The following GADL1 variants were observed in gnomAD, a reference collection of about 807,000 sequenced individuals.
The protein encoded by GADL1 is acidic amino acid decarboxylase GADL1.
GADL1 carries 71 observed loss-of-function variants against 69.5 expected under a neutral mutation model. The ratio of observed to expected loss-of-function variants is 1.02; its 90% CI spans 0.84 to 1.25. GADL1 has a LOEUF of 1.25. Among genes scored for constraint, GADL1 ranks in the 50% most tolerant of loss-of-function variants. The pLI is 0.00. For synonymous variants in GADL1, 254 were observed against 214.4 expected, an observed-to-expected ratio of 1.18 and a Z score of -1.62; for missense variants, 737 against 631.8, an observed-to-expected ratio of 1.17 and a Z score of -1.79.
chr3:30,818,307 T>C (rs1697510041), intron 11 of GADL1, among the ~76,000 whole-genome samples: 1 of 152,192 alleles, frequency 6.6e-6, no homozygotes, highest in African/African-American at 2.4e-5. Flanking sequence ...GCAAATATAA[T>C]TGTTAGAAGT....
At chr3:30,755,585 TTGTG>T (rs3042991) in intron 14 of GADL1, among the ~76,000 whole-genome samples, 6 of 151,700 alleles carry the variant, frequency 4.0e-5, no homozygotes, top group South Asian at 2.1e-4. Flanking sequence ...CCATTTTTGC[TTGTG>T]TGTGTGTGTG....
intron 14 of GADL1, among the ~76,000 whole-genome samples, chr3:30,744,486 G>C (rs1055886590): frequency 6.6e-6 from 1 of 152,104 alleles, no homozygotes; most frequent in South Asian, 2.1e-4. Flanking sequence ...TGATGGGAGA[G>C]GGTCATTTAA....
At chr3:30,788,520 T>TG (rs1416078653) in intron 12 of GADL1, among the ~76,000 whole-genome samples, 3 of 152,200 alleles carry the variant, frequency 2.0e-5, no homozygotes, top group African/African-American at 7.2e-5. Flanking sequence ...ATCAAAAGGC[T>TG]GAAGGTCGGG....
In GADL1 at chr3:30,768,582, AGGC is replaced by A. The variant is rs1271477894; in HGVS notation, c.1392+9594_1392+9596del. On this transcript the variant is annotated intron_variant, in intron 14 of 14. Coordinates refer to ENST00000282538, the MANE Select transcript of GADL1 (RefSeq NM_207359.3). ...GAGAAGGGGTGGGGAGGGGGAGGAG[AGGC>A]GGAGAAGGAAGAGTGGCGAGACTGG... 6.3e-4 allele frequency among the ~76,000 whole-genome samples: 95 copies of A among 151,476 alleles called. No individual in the cohort carries two copies. The Middle Eastern group carries it at 0.014, about 22-fold the overall frequency.
Position 30,823,932 on chromosome 3 carries a change from T to G in GADL1, c.1050+9921A>C, listed in dbSNP as rs550955155. Among the ~76,000 whole-genome samples, 3 of 151,256 alleles carry G rather than the reference T, an allele frequency of 2.0e-5. No individual in the cohort carries two copies. In the East Asian group the frequency reaches 5.8e-4, roughly 29 times the overall value. ...ATAGGTCAGAAGAAACTGTACACAA[T>G]GAAACATGGAAAAACAAAATTAAGG... On this transcript the variant is annotated intron_variant, in intron 11 of 14. Transcript: ENST00000282538.
At chr3:30,836,101 C>T (rs1697869171) in intron 9 of GADL1, among the ~76,000 whole-genome samples, 1 of 152,000 alleles carries the variant, frequency 6.6e-6, no homozygotes, top group Non-Finnish European at 1.5e-5. Context: ...CTCTTATCCC[C>T]CAACCTCTCT....
chr3:30,730,536 A>G (rs1695440330), intron 14 of GADL1, among the ~76,000 whole-genome samples: 1 of 152,150 alleles, frequency 6.6e-6, no homozygotes, highest in Non-Finnish European at 1.5e-5. Context: ...TAGTTTATGC[A>G]AGAACAGTGG....
intron 1 of GADL1, among the ~76,000 whole-genome samples, chr3:30,887,552 C>T (rs1330008605): frequency 6.6e-6 from 1 of 152,134 alleles, no homozygotes; most frequent in Non-Finnish European, 1.5e-5. Flanking sequence ...TCACTAGATG[C>T]ACCCACTTGA....
At chr3:30,745,848 C>T (rs932103316) in intron 14 of GADL1, among the ~76,000 whole-genome samples, 2 of 152,082 alleles carry the variant, frequency 1.3e-5, no homozygotes, top group Non-Finnish European at 2.9e-5. Context: ...AATTTATCTT[C>T]CTAGGCCTCT....
At chr3:30,756,271 G>C (rs1559489108) in intron 14 of GADL1, among the ~76,000 whole-genome samples, 1 of 152,116 alleles carries the variant, frequency 6.6e-6, no homozygotes, top group Admixed American at 6.5e-5. Flanking sequence ...CAACTGATCT[G>C]GCCTCAGTTT....
At chr3:30,881,799 A>G (rs943277466) in intron 1 of GADL1, among the ~76,000 whole-genome samples, 3 of 151,990 alleles carry the variant, frequency 2.0e-5, no homozygotes, top group Admixed American at 2.0e-4. Context: ...GCAGCATTAA[A>G]AGGTGGTACC....
chr3:30,814,864 T>C (rs1331062493), intron 11 of GADL1, among the ~76,000 whole-genome samples: 2 of 151,918 alleles, frequency 1.3e-5, no homozygotes, highest in Non-Finnish European at 2.9e-5. Flanking sequence ...CTTGGAAGAC[T>C]GAGGCAGGAG....
intron 13 of GADL1, among the ~76,000 whole-genome samples, chr3:30,785,574 G>T (rs919110831): frequency 6.6e-6 from 1 of 151,954 alleles, no homozygotes; most frequent in Non-Finnish European, 1.5e-5. Flanking sequence ...TAGAGACAGG[G>T]TTTCACCATG....
chr3:30,816,155 C>T (rs887907473), intron 11 of GADL1, among the ~76,000 whole-genome samples: 1 of 152,026 alleles, frequency 6.6e-6, no homozygotes, highest in Non-Finnish European at 1.5e-5. Flanking sequence ...AATGGCTCCA[C>T]CATTAGAGGA....
intron 5 of GADL1, 134 bp from the exon 6 acceptor site, chr3:30,850,245 A>G: frequency 1.5e-6 from 1 of 654,854 alleles, no homozygotes; most frequent in Non-Finnish European, 2.7e-6. Context: ...GCACATGAAC[A>G]CCGACCTCCC....
chr3:30,756,376 C>A (rs998716791), intron 14 of GADL1, among the ~76,000 whole-genome samples: 10 of 151,860 alleles, frequency 6.6e-5, no homozygotes, highest in Middle Eastern at 3.4e-3. Flanking sequence ...ACTTGTCAAG[C>A]CATAAAACAC....
chr3:30,861,752 T>C lies in GADL1; in HGVS notation c.51A>G (p.Gln17=). The C allele has an allele frequency of 1.3e-6, 2 of 1,545,498 alleles. No individual in the cohort carries two copies. Among genetic ancestry groups the C allele is most frequent in the Non-Finnish European group, 1.7e-6 (2 of 1,143,830 alleles). Residue 17 remains glutamine (Q), a synonymous_variant, in exon 2 of 15, where the codon CAA becomes CAG. Coordinates refer to ENST00000282538, the MANE Select transcript of GADL1 (RefSeq NM_207359.3). ...TCTTCTTACTTGGAATCATCTCTTG[T>C]TGATCAATATCTCCTGGAAGCAAGC... ...RQCPVDGDID[Q]QEMIPSKKNA...
chr3:30,867,423 C>CATATATATATATAT (rs148660336), intron 1 of GADL1, among the ~76,000 whole-genome samples: 100 of 115,098 alleles, frequency 8.7e-4, no homozygotes, highest in African/African-American at 2.8e-3. Flanking sequence ...TACAATACTA[C>CATATATATATATAT]ATATATATAT....
At position 30,796,076 on chromosome 3, in the gene GADL1, G is replaced by A. The variant is rs187456926; in HGVS notation, c.1250+4813C>T. Among the ~76,000 whole-genome samples the A allele has an allele frequency of 3.9e-5, 6 of 152,266 alleles. No homozygotes were observed. The East Asian group carries it at 1.2e-3, about 29-fold the overall frequency. Reference sequence around the variant, plus strand: ...AGAAATTAGAAAGTATTCTTAGACTGTAAACTAAATTCCACCCTGAGATGA... The same window carrying A: ...AGAAATTAGAAAGTATTCTTAGACTATAAACTAAATTCCACCCTGAGATGA... On this transcript the variant is annotated intron_variant, in intron 12 of 14. Coordinates refer to ENST00000282538, the MANE Select transcript of GADL1 (RefSeq NM_207359.3).
Sources: gnomAD v4.1 joint callset for allele counts (sites outside exome capture counted in the v4.1 genomes callset) on GRCh38, gnomAD v4.1.1 for gene constraint, MANE v1.5 for transcripts, NCBI Gene and HGNC (gene_info 2026-07-23, HGNC 2026-07-21) for gene names.